Variants in ATR observed in about 807,000 individuals in gnomAD.
ATR encodes ATR checkpoint kinase.
In ATR, 142 loss-of-function variants were observed where a neutral mutation model predicts 305.3. The ratio of observed to expected loss-of-function variants is 0.47; its 90% CI spans 0.41 to 0.53. The LOEUF (loss-of-function observed/expected upper bound fraction) is 0.53. Among genes scored for constraint, ATR ranks in the 20% least tolerant of loss-of-function variants. The pLI is 0.00. For missense variants in ATR, 2,135 were observed against 3,133.1 expected (o/e 0.68, Z 7.60); for synonymous variants, 1,050 against 1,068.1 (o/e 0.98, Z 0.33).
At chr3:142,460,901 A>G (rs2071010750) in intron 42 of ATR, among the ~76,000 whole-genome samples, 2 of 152,142 alleles carry the variant, frequency 1.3e-5, no homozygotes, top group Non-Finnish European at 2.9e-5. Context: ...CAATAGTACA[A>G]TTATTCAAAT....
At chr3:142,503,111 G>T (rs911806000) in intron 30 of ATR, among the ~76,000 whole-genome samples, 8 of 152,126 alleles carry the variant, frequency 5.3e-5, no homozygotes, top group Non-Finnish European at 7.4e-5. Flanking sequence ...CTCACCAATA[G>T]CCAGTGGGTT....
At position 142,525,272 on chromosome 3, in the gene ATR, T is replaced by A. The variant is rs561924032; in HGVS notation, c.3946-1073A>T. 4.1e-3 allele frequency among the ~76,000 whole-genome samples: 627 copies of A among 152,318 alleles called. 12 individuals are homozygous for A. The highest frequency in any genetic ancestry group is 0.015 in the African/African-American group (608 of 41,570). On this transcript the variant is annotated intron_variant, in intron 21 of 46. Coordinates refer to ENST00000350721, the MANE Select transcript of ATR (RefSeq NM_001184.4). The stretch of plus-strand genomic sequence containing the variant: ...CTGGTCTGGTTATTCATATACTAGT[T>A]ACCTCTTTGTTATAACTGTAGTGGC...
chr3:142,469,297 A>G (rs1482781422), intron 38 of ATR, 40 bp downstream of exon 38: 1 of 1,508,114 alleles, frequency 6.6e-7, no homozygotes, highest in Non-Finnish European at 9.2e-7. Flanking sequence ...ATAAAATGGT[A>G]AAAGATCTTT....
intron 36 of ATR, among the ~76,000 whole-genome samples, chr3:142,484,549 T>C (rs2030783693): frequency 6.6e-6 from 1 of 152,192 alleles, no homozygotes; most frequent in Non-Finnish European, 1.5e-5. Flanking sequence ...TTGCATCCTT[T>C]AAAATATCTT....
intron 24 of ATR, among the ~76,000 whole-genome samples, chr3:142,516,984 A>AATATATATATATATATATATATATAT (rs534243837): frequency 2.2e-5 from 3 of 139,128 alleles, no homozygotes; most frequent in South Asian, 2.3e-4. Context: ...ATACCCAAAT[A>AATATATATATATATATATATATATAT]ATATATATAT....
Position 142,496,996 on chromosome 3 carries a change from A to G in ATR, c.5738+17T>C. The G allele has an allele frequency of 6.2e-7, 1 of 1,609,114 alleles. No individual in the cohort carries two copies. On this transcript the variant is annotated intron_variant, in intron 33 of 46. Coordinates refer to ENST00000350721, the MANE Select transcript of ATR (RefSeq NM_001184.4). ...TTCAAGATAAGTGACATTTTTAAAA[A>G]AAGTAGTGTGAGAAACCTTTTGTTG...
chr3:142,500,792 A>T (rs2031916312), intron 30 of ATR, among the ~76,000 whole-genome samples: 1 of 152,210 alleles, frequency 6.6e-6, no homozygotes, highest in Non-Finnish European at 1.5e-5. Flanking sequence ...TCAAAAGTCC[A>T]ATTTTGAAGG....
chr3:142,533,006 A>C (rs182280316), intron 21 of ATR, among the ~76,000 whole-genome samples: 124 of 152,170 alleles, frequency 8.1e-4, no homozygotes, highest in Middle Eastern at 3.4e-3. Flanking sequence ...TGGCTATTTA[A>C]ATTTAAATTA....
chr3:142,451,382 G>T, intron 46 of ATR: 1 of 1,420,482 alleles, frequency 7.0e-7, no homozygotes, highest in Non-Finnish European at 9.3e-7. Flanking sequence ...TACATAACAT[G>T]GGTATTGTAA....
intron 23 of ATR, among the ~76,000 whole-genome samples, chr3:142,520,833 G>A (rs910846209): frequency 5.9e-5 from 9 of 152,210 alleles, no homozygotes; most frequent in Non-Finnish European, 1.2e-4. Flanking sequence ...TATTGATAGA[G>A]AAGCTGCAGC....
In ATR at chr3:142,519,740, G is replaced by C; in HGVS notation, c.4311C>G (p.Gly1437=). The part of the protein sequence containing the change: ...IYDCREMETN[G]PGHQLWRRFP... ...ATCTCCTCCACAATTGGTGACCTGGGCCGTTGGTCTCCATCTCTCTACAGT... is the reference window on the plus strand; with the variant it reads ...ATCTCCTCCACAATTGGTGACCTGGCCCGTTGGTCTCCATCTCTCTACAGT... The change falls in exon 24 of 47, where the codon GGC becomes GGG. Residue 1437 remains glycine, a synonymous_variant. Coordinates refer to ENST00000350721, the MANE Select transcript of ATR (RefSeq NM_001184.4). The C allele has an allele frequency of 1.2e-6, 2 of 1,614,086 alleles. No homozygotes were observed.
chr3:142,492,931 G>C (rs1429063620), intron 35 of ATR, among the ~76,000 whole-genome samples: 2 of 152,252 alleles, frequency 1.3e-5, no homozygotes, highest in East Asian at 3.9e-4. Flanking sequence ...TGGGGTTATA[G>C]AGCTCAAATA....
Position 142,550,084 on chromosome 3 carries a change from CA to C in ATR, c.2976+47del, listed in dbSNP as rs571528734. ...AAGTCAAAATCTAGAATGGAATGAACAAAATACTGAATTGCAAACCTCAAGT... is the reference window on the plus strand; with the variant it reads ...AAGTCAAAATCTAGAATGGAATGAACAAATACTGAATTGCAAACCTCAAGT... On this transcript the variant is annotated intron_variant, in intron 14 of 46. Transcript: ENST00000350721. 13 of 1,602,180 alleles carry C rather than the reference CA, an allele frequency of 8.1e-6. No homozygotes were observed. The East Asian group carries it at 2.7e-4, about 33-fold the overall frequency.
At chr3:142,538,112 A>C (rs2033921853) in intron 19 of ATR, among the ~76,000 whole-genome samples, 1 of 152,194 alleles carries the variant, frequency 6.6e-6, no homozygotes, top group South Asian at 2.1e-4. Context: ...TAACGCAATG[A>C]GGTAATAAGG....
chr3:142,489,746 TA>T (rs1168376558), intron 35 of ATR, among the ~76,000 whole-genome samples: 3 of 152,230 alleles, frequency 2.0e-5, no homozygotes, highest in African/African-American at 7.2e-5. Flanking sequence ...TTTTTGTGAC[TA>T]AACCTACTAT....
chr3:142,453,476 G>C (rs1412173897), intron 45 of ATR, among the ~76,000 whole-genome samples: 2 of 152,026 alleles, frequency 1.3e-5, no homozygotes, highest in South Asian at 4.1e-4. Flanking sequence ...AGTAAGATGG[G>C]TTCTATGTGC....
chr3:142,578,561 G>A, intron 1 of ATR, 85 bp downstream of exon 1: 1 of 1,448,732 alleles, frequency 6.9e-7, no homozygotes, highest in Non-Finnish European at 9.4e-7. Context: ...CCCAGCCATA[G>A]CGCAGCAGGG....
At chr3:142,485,047 T>C (rs2030821851) in intron 36 of ATR, 93 bp downstream of exon 36, 11 of 1,555,840 alleles carry the variant, frequency 7.1e-6, no homozygotes, top group Non-Finnish European at 9.7e-6. Context: ...AGCCAGAAAA[T>C]ACCTAGAATA....
intron 35 of ATR, among the ~76,000 whole-genome samples, chr3:142,492,532 CT>C (rs2031349723): frequency 6.6e-6 from 1 of 152,074 alleles, no homozygotes; most frequent in South Asian, 2.1e-4. Context: ...TTATTATTTC[CT>C]TTCTTCTACT....
Sources: gnomAD v4.1 joint callset for allele counts (sites outside exome capture counted in the v4.1 genomes callset) on GRCh38, gnomAD v4.1.1 for gene constraint, MANE v1.5 for transcripts, NCBI Gene and HGNC (gene_info 2026-07-23, HGNC 2026-07-21) for gene names.